Variants in SHISA9 observed in about 807,000 individuals in gnomAD.
The protein encoded by SHISA9 is shisa family member 9, also known as protein shisa-9.
In SHISA9, 13 loss-of-function variants were observed where a neutral mutation model predicts 38.0. The ratio of observed to expected loss-of-function variants is 0.34; its 90% CI spans 0.22 to 0.54. The LOEUF is 0.54. Ranked by LOEUF, SHISA9 falls within the 20% of genes least tolerant of loss-of-function variation. The probability of loss-of-function intolerance (pLI) is 0.91; values close to 1 mark genes in which losing one functional copy is unlikely to be tolerated. For synonymous variants in SHISA9, 275 were observed against 242.0 expected (o/e 1.14, Z -1.27); for missense variants, 538 against 575.8 (o/e 0.93, Z 0.67).
At position 13,151,555 on chromosome 16, in the gene SHISA9, A is replaced by T. The variant is rs532164186; in HGVS notation, c.692-51839A>T. Among the ~76,000 whole-genome samples, 6 of 152,354 alleles carry T rather than the reference A, an allele frequency of 3.9e-5. No homozygotes were observed. In the South Asian group the frequency reaches 1.2e-3, roughly 32 times the overall value. On this transcript the variant is annotated intron_variant, in intron 2 of 4. Coordinates refer to ENST00000558583, the MANE Select transcript of SHISA9 (RefSeq NM_001145204.3). ...CTGGATATATCTTATCCACCCAGACATGTTACCTCAAATCCCCTCAGTTAG... is the reference window on the plus strand; with the variant it reads ...CTGGATATATCTTATCCACCCAGACTTGTTACCTCAAATCCCCTCAGTTAG...
chr16:13,013,625 C>G (rs1367952637), intron 2 of SHISA9, among the ~76,000 whole-genome samples: 1 of 152,200 alleles, frequency 6.6e-6, no homozygotes, highest in Non-Finnish European at 1.5e-5. Flanking sequence ...AGGGTCTTCT[C>G]TTTTCACCCA....
intron 1 of SHISA9, chr16:12,910,817 T>C (rs2071172845): frequency 1.2e-6 from 1 of 804,328 alleles, no homozygotes; most frequent in South Asian, 5.6e-5. Flanking sequence ...CCAGAGCCTC[T>C]GTACTTGTAC....
intron 2 of SHISA9, among the ~76,000 whole-genome samples, chr16:13,021,527 C>G (rs552829230): frequency 6.6e-6 from 1 of 152,150 alleles, no homozygotes; most frequent in Non-Finnish European, 1.5e-5. Context: ...ACTAGTAAAA[C>G]GTGGCTCAAC....
At chr16:12,949,229 C>T (rs919785367) in intron 2 of SHISA9, among the ~76,000 whole-genome samples, 7 of 152,098 alleles carry the variant, frequency 4.6e-5, no homozygotes, top group African/African-American at 1.7e-4. Flanking sequence ...GTGATGGCTG[C>T]GAGAGTGGGC....
At chr16:13,001,078 C>T (rs548973342) in intron 2 of SHISA9, among the ~76,000 whole-genome samples, 6 of 152,166 alleles carry the variant, frequency 3.9e-5, no homozygotes, top group Non-Finnish European at 8.8e-5. Flanking sequence ...CAGGTACCCA[C>T]CATGATGCCT....
intron 2 of SHISA9, among the ~76,000 whole-genome samples, chr16:13,107,439 AAAACAAAC>A (rs536168752): frequency 5.4e-5 from 8 of 148,778 alleles, no homozygotes; most frequent in African/African-American, 9.9e-5. Flanking sequence ...TCTGAAAACA[AAAACAAAC>A]AAACAAACAA....
intron 2 of SHISA9, among the ~76,000 whole-genome samples, chr16:12,991,555 G>A (rs1467492202): frequency 6.6e-6 from 1 of 152,174 alleles, no homozygotes; most frequent in African/African-American, 2.4e-5. Flanking sequence ...GTTCAAGCAT[G>A]TTCTTGAACT....
chr16:13,255,383 T>C, the SHISA9 span, among the ~76,000 whole-genome samples: 8 of 152,344 alleles, frequency 5.3e-5, no homozygotes, highest in African/African-American at 1.9e-4. Context: ...TCTTCTCTCT[T>C]GCCCTCTATC....
chr16:13,498,811 C>T, the SHISA9 span, among the ~76,000 whole-genome samples: 921 of 152,146 alleles, frequency 6.1e-3, 9 homozygotes, highest in African/African-American at 0.022. Flanking sequence ...TCAAAGATGT[C>T]CAATGTAGTA....
At chr16:13,475,854 A>G in the SHISA9 span, among the ~76,000 whole-genome samples, 1 of 152,206 alleles carries the variant, frequency 6.6e-6, no homozygotes, top group Non-Finnish European at 1.5e-5. Context: ...CAGGCAACCT[A>G]GATCCCTCAT....
intron 2 of SHISA9, among the ~76,000 whole-genome samples, chr16:13,096,435 G>A (rs1027989770): frequency 6.6e-6 from 1 of 152,222 alleles, no homozygotes; most frequent in Non-Finnish European, 1.5e-5. Flanking sequence ...TGTGTTAAAT[G>A]TAGGCTCTTG....
chr16:12,921,354 G>A (rs1349794976), intron 2 of SHISA9, among the ~76,000 whole-genome samples: 4 of 152,166 alleles, frequency 2.6e-5, no homozygotes, highest in African/African-American at 7.2e-5. Context: ...GCAGACCTGC[G>A]GCTTAGTTTC....
chr16:13,166,926 C>T (rs976129807), intron 2 of SHISA9, among the ~76,000 whole-genome samples: 1 of 152,100 alleles, frequency 6.6e-6, no homozygotes, highest in African/African-American at 2.4e-5. Flanking sequence ...CCATAACACA[C>T]ATTTACCTAT....
chr16:13,149,822 G>A (rs1227884449), intron 2 of SHISA9, among the ~76,000 whole-genome samples: 1 of 151,326 alleles, frequency 6.6e-6, no homozygotes, highest in Admixed American at 6.6e-5. Flanking sequence ...CTACACAGGA[G>A]GCTGAGGCAC....
chr16:12,986,434 A>G (rs1422298216), intron 2 of SHISA9, among the ~76,000 whole-genome samples: 1 of 152,092 alleles, frequency 6.6e-6, no homozygotes, highest in Non-Finnish European at 1.5e-5. Flanking sequence ...AGCCACAAGT[A>G]TTTTGTGTTT....
intron 2 of SHISA9, among the ~76,000 whole-genome samples, chr16:13,033,744 T>G (rs2073019555): frequency 1.3e-5 from 2 of 152,144 alleles, no homozygotes; most frequent in Admixed American, 6.6e-5. Context: ...TAGATGTCCA[T>G]GATAAGGAAG....
chr16:13,320,921 GTGT>G, the SHISA9 span, among the ~76,000 whole-genome samples: 1 of 152,186 alleles, frequency 6.6e-6, no homozygotes, highest in Non-Finnish European at 1.5e-5. Flanking sequence ...TACTAGTCTG[GTGT>G]TGTTCAATGG....
intron 2 of SHISA9, among the ~76,000 whole-genome samples, chr16:13,096,540 A>G (rs2141953192): frequency 6.6e-6 from 1 of 152,300 alleles, no homozygotes; most frequent in East Asian, 1.9e-4. Flanking sequence ...TCTTAAGTGT[A>G]GAGAAGATGG....
intron 2 of SHISA9, among the ~76,000 whole-genome samples, chr16:13,042,009 G>T (rs949364568): frequency 6.6e-6 from 1 of 152,190 alleles, no homozygotes; most frequent in Admixed American, 6.5e-5. Flanking sequence ...GAGGCAAAGG[G>T]GATTTTGAGG....
Sources: gnomAD v4.1 joint callset for allele counts (sites outside exome capture counted in the v4.1 genomes callset) on GRCh38, gnomAD v4.1.1 for gene constraint, MANE v1.5 for transcripts, NCBI Gene and HGNC (gene_info 2026-07-23, HGNC 2026-07-21) for gene names.